The following ZFHX3 variants were observed in gnomAD, a reference collection of about 807,000 sequenced individuals.
ZFHX3 encodes zinc finger homeobox protein 3.
A neutral mutation model predicts 279.1 loss-of-function variants in ZFHX3; 42 were observed. The observed-to-expected ratio is 0.15, with a 90% confidence interval of 0.12 to 0.19. The LOEUF (loss-of-function observed/expected upper bound fraction) is 0.19. ZFHX3 is among the 10% of genes least tolerant of loss of function. The pLI, the probability that ZFHX3 is intolerant of heterozygous loss-of-function variation, is 1.00. For missense variants in ZFHX3, 4,981 were observed against 4,754.0 expected (o/e 1.05, Z -1.40); for synonymous variants, 2,293 against 1,957.8 (o/e 1.17, Z -4.52).
chr16:73,169,174 T>C (rs958779508), intron 5 of ZFHX3, among the ~76,000 whole-genome samples: 1 of 152,200 alleles, frequency 6.6e-6, no homozygotes, highest in Non-Finnish European at 1.5e-5. Flanking sequence ...ATTTGTTCAA[T>C]GCATATTGAA....
At position 73,147,059 on chromosome 16, in the gene ZFHX3, G is replaced by T. The variant is rs377597842; in HGVS notation, c.-1103-3228C>A. Reference sequence around the variant, plus strand: ...AACTGGAATTGTTTTTCTTGGAAAAGAACAGGTTAAAGGTGACATCAATGA... The same window carrying T: ...AACTGGAATTGTTTTTCTTGGAAAATAACAGGTTAAAGGTGACATCAATGA... On this transcript the variant is annotated intron_variant, in intron 5 of 17. Transcript: ENST00000641206. 1.4e-4 allele frequency among the ~76,000 whole-genome samples: 22 copies of T among 152,328 alleles called. No individual in the cohort carries two copies. The South Asian group carries it at 4.4e-3, about 30-fold the overall frequency.
At chr16:73,736,525 C>A (rs1450530121) in intron 1 of ZFHX3, among the ~76,000 whole-genome samples, 1 of 152,166 alleles carries the variant, frequency 6.6e-6, no homozygotes, top group Non-Finnish European at 1.5e-5. Flanking sequence ...TATGAAATTG[C>A]TTTCAAATGA....
chr16:73,349,255 C>T (rs2016179254), intron 3 of ZFHX3, among the ~76,000 whole-genome samples: 1 of 152,162 alleles, frequency 6.6e-6, no homozygotes, highest in African/African-American at 2.4e-5. Flanking sequence ...GGGAATTCCC[C>T]CAGCTGCTTG....
intron 4 of ZFHX3, among the ~76,000 whole-genome samples, chr16:73,301,485 C>T (rs796329217): frequency 5.3e-5 from 8 of 152,286 alleles, no homozygotes; most frequent in African/African-American, 1.9e-4. Flanking sequence ...CCTCTACCCT[C>T]CAGATGCCTA....
chr16:73,382,424 A>G (rs1212695555), intron 3 of ZFHX3, among the ~76,000 whole-genome samples: 1 of 152,222 alleles, frequency 6.6e-6, no homozygotes, highest in African/African-American at 2.4e-5. Flanking sequence ...AAAGACAAAC[A>G]ACCCAACAGA....
intron 1 of ZFHX3, among the ~76,000 whole-genome samples, chr16:73,775,062 T>A (rs1475219536): frequency 2.0e-5 from 3 of 152,124 alleles, no homozygotes; most frequent in African/African-American, 7.2e-5. Context: ...ATTCCATTTT[T>A]CAAGTATAGA....
chr16:73,013,763 G>T (rs117274302), intron 1 of ZFHX3, among the ~76,000 whole-genome samples: 103 of 152,204 alleles, frequency 6.8e-4, no homozygotes, highest in East Asian at 1.2e-3. Flanking sequence ...GTTGGAACAG[G>T]TAAGGCTGTA....
chr16:73,318,120 A>T (rs1020255749), intron 4 of ZFHX3: 42 of 152,192 alleles, frequency 2.8e-4, no homozygotes, highest in African/African-American at 1.0e-3. Context: ...AAAAGTTTCC[A>T]TGTCAGTAAT....
chr16:72,849,097 A>G (rs1567546490), intron 4 of ZFHX3, among the ~76,000 whole-genome samples: 2 of 151,540 alleles, frequency 1.3e-5, no homozygotes, highest in African/African-American at 4.9e-5. Flanking sequence ...TTACTTTACC[A>G]CTCACTCATG....
intron 4 of ZFHX3, among the ~76,000 whole-genome samples, chr16:72,886,859 G>T (rs1446345512): frequency 6.6e-6 from 1 of 152,190 alleles, no homozygotes; most frequent in Non-Finnish European, 1.5e-5. Flanking sequence ...GCCCATCCTC[G>T]TCCCTTACTC....
chr16:73,031,218 T>C, intron 1 of ZFHX3, among the ~76,000 whole-genome samples: 1 of 152,180 alleles, frequency 6.6e-6, no homozygotes, highest in East Asian at 1.9e-4. Context: ...TCACAAATAA[T>C]TAATCTTCGT....
chr16:73,695,128 G>T (rs998192853), intron 1 of ZFHX3, among the ~76,000 whole-genome samples: 1 of 152,170 alleles, frequency 6.6e-6, no homozygotes, highest in African/African-American at 2.4e-5. Context: ...ACCCCGATGG[G>T]GTGGTGCCAG....
chr16:73,726,196 C>T (rs529985751), intron 1 of ZFHX3, among the ~76,000 whole-genome samples: 10 of 152,296 alleles, frequency 6.6e-5, no homozygotes, highest in Admixed American at 4.6e-4. Flanking sequence ...GTGATAGAAA[C>T]CCTCACATAA....
chr16:73,309,695 G>C (rs1300520448), intron 4 of ZFHX3, among the ~76,000 whole-genome samples: 1 of 152,158 alleles, frequency 6.6e-6, no homozygotes, highest in Non-Finnish European at 1.5e-5. Context: ...CCTCAGGCAT[G>C]TACTCTCAGG....
intron 3 of ZFHX3, among the ~76,000 whole-genome samples, chr16:72,937,850 A>C (rs1332747726): frequency 6.6e-6 from 1 of 152,108 alleles, no homozygotes; most frequent in African/African-American, 2.4e-5. Flanking sequence ...TCCAACAATC[A>C]CTGGTGTCCT....
At chr16:72,848,243 A>T (rs531952211) in intron 4 of ZFHX3, among the ~76,000 whole-genome samples, 3 of 152,134 alleles carry the variant, frequency 2.0e-5, no homozygotes, top group African/African-American at 7.2e-5. Context: ...TGCGCTAAGC[A>T]GTTAGGAACT....
At chr16:73,613,247 T>C (rs2052265178) in intron 2 of ZFHX3, among the ~76,000 whole-genome samples, 1 of 152,134 alleles carries the variant, frequency 6.6e-6, no homozygotes, top group African/African-American at 2.4e-5. Flanking sequence ...TCTTTTGGAG[T>C]AGTTGAGGCT....
chr16:73,386,771 G>C (rs1450231551), intron 3 of ZFHX3: 1 of 149,242 alleles, frequency 6.7e-6, no homozygotes, highest in Non-Finnish European at 1.5e-5. Flanking sequence ...AAAGATTCTA[G>C]AGATTGGAGG....
intron 1 of ZFHX3, among the ~76,000 whole-genome samples, chr16:72,971,988 C>T (rs1041653003): frequency 2.0e-5 from 3 of 148,806 alleles, no homozygotes; most frequent in African/African-American, 7.5e-5. Context: ...TGCATTCAAG[C>T]GATTCTCCTG....
Sources: allele counts gnomAD v4.1 joint callset (sites outside exome capture counted in the v4.1 genomes callset), GRCh38; gene constraint gnomAD v4.1.1; transcripts MANE v1.5; gene names NCBI Gene and HGNC (gene_info 2026-07-23, HGNC 2026-07-21).